TSEN15: variants seen among roughly 807,000 people sequenced by gnomAD.
The protein encoded by TSEN15 is tRNA splicing endonuclease subunit 15.
TSEN15 carries 10 observed loss-of-function variants against 20.5 expected under a neutral mutation model. The ratio of observed to expected loss-of-function variants is 0.49; its 90% confidence interval spans 0.30 to 0.83. The LOEUF (loss-of-function observed/expected upper bound fraction) is 0.83, where lower values mean the gene tolerates loss of function less well. Among genes scored for constraint, TSEN15 ranks in the 40% least tolerant of loss-of-function variants. TSEN15 has a pLI of 0.06. For missense variants in TSEN15, 180 were observed against 218.6 expected, an observed-to-expected ratio of 0.82 and a Z score of 1.11; for synonymous variants, 72 against 80.1, an observed-to-expected ratio of 0.90 and a Z score of 0.54.
chr1:184,052,205 G>C (rs991992007), intron 1 of TSEN15, among the ~76,000 whole-genome samples: 1 of 152,186 alleles, frequency 6.6e-6, no homozygotes. Context: ...CCCTTTGGGG[G>C]ATAAATTTAT....
chr1:184,068,220 CTTAG>C (rs1650760221), intron 3 of TSEN15, among the ~76,000 whole-genome samples: 1 of 151,762 alleles, frequency 6.6e-6, no homozygotes, highest in Admixed American at 6.6e-5. Flanking sequence ...TGAAGATATT[CTTAG>C]TTATGAGATT....
At chr1:184,092,159 C>T (rs1030613373) in intron 3 of TSEN15, among the ~76,000 whole-genome samples, 3 of 152,186 alleles carry the variant, frequency 2.0e-5, no homozygotes, top group Admixed American at 1.3e-4. Flanking sequence ...TATAACCAGA[C>T]AGATGTGCTC....
intron 3 of TSEN15, among the ~76,000 whole-genome samples, chr1:184,090,913 A>G (rs1651345141): frequency 1.3e-5 from 2 of 152,160 alleles, no homozygotes; most frequent in Admixed American, 1.3e-4. Context: ...TTTCTGTAGT[A>G]TACAGCTCCC....
downstream of TSEN15, among the ~76,000 whole-genome samples, chr1:184,079,211 A>G (rs1447135423): frequency 6.6e-6 from 1 of 152,188 alleles, no homozygotes; most frequent in African/African-American, 2.4e-5. Context: ...TGGGTGTGCT[A>G]TTATAATGTT....
At chr1:184,090,498 A>C (rs915906317) in intron 3 of TSEN15, among the ~76,000 whole-genome samples, 7 of 152,238 alleles carry the variant, frequency 4.6e-5, no homozygotes, top group Non-Finnish European at 1.0e-4. Context: ...TGATATAAAC[A>C]AAAAGGTCAC....
At chr1:184,082,422 T>C (rs1005247727) in intron 3 of TSEN15, among the ~76,000 whole-genome samples, 1 of 152,156 alleles carries the variant, frequency 6.6e-6, no homozygotes, top group African/African-American at 2.4e-5. Flanking sequence ...TTCTCTGCTG[T>C]CTTCATAGCA....
chr1:184,091,313 A>C (rs1651353960), intron 3 of TSEN15, among the ~76,000 whole-genome samples: 1 of 152,060 alleles, frequency 6.6e-6, no homozygotes, highest in Non-Finnish European at 1.5e-5. Context: ...TGAGCCCCAG[A>C]ATATATATTT....
At chr1:184,090,588 C>T (rs75358343) in intron 3 of TSEN15, among the ~76,000 whole-genome samples, 1,680 of 152,320 alleles carry the variant, frequency 0.011, 28 homozygotes, top group African/African-American at 0.039. Context: ...CTTTTCTTCT[C>T]CTTTCTTCCT....
In TSEN15 at chr1:184,051,860, T is replaced by C. The variant is rs926488251; in HGVS notation, c.105T>C (p.Pro35=). The C allele has an allele frequency of 6.4e-7, 1 of 1,553,348 alleles. No individual in the cohort carries two copies. The highest frequency in any genetic ancestry group is 1.9e-5 in the Admixed American group (1 of 52,632). ...GDGGGAPSWA[P]EDAWMGTHPK... ...GCGGTGGAGCTCCTTCGTGGGCCCC[T>C]GAGGACGCCTGGATGGGCACTCACC... Residue 35 remains proline, a synonymous_variant, in exon 1 of 5, where the codon CCT becomes CCC. Coordinates refer to ENST00000645668, the MANE Select transcript of TSEN15 (RefSeq NM_052965.4).
chr1:184,090,009 C>T (rs1253119491), intron 3 of TSEN15, among the ~76,000 whole-genome samples: 1 of 152,162 alleles, frequency 6.6e-6, no homozygotes, highest in Admixed American at 6.5e-5. Context: ...AATGTCCACA[C>T]AAAGACCTGT....
downstream of TSEN15, among the ~76,000 whole-genome samples, chr1:184,076,135 A>T (rs1399474218): frequency 6.6e-6 from 1 of 151,722 alleles, no homozygotes; most frequent in African/African-American, 2.4e-5. Context: ...TGTTTTGGGG[A>T]TATTGTGTTT....
At chr1:184,093,466 A>G (rs1490264333) in intron 3 of TSEN15, among the ~76,000 whole-genome samples, 1 of 152,180 alleles carries the variant, frequency 6.6e-6, no homozygotes, top group Non-Finnish European at 1.5e-5. Context: ...CAATACTAAT[A>G]AAATCTATCT....
downstream of TSEN15, among the ~76,000 whole-genome samples, chr1:184,075,710 T>C (rs187601225): frequency 6.6e-6 from 1 of 152,212 alleles, no homozygotes; most frequent in East Asian, 1.9e-4. Flanking sequence ...TTTCAATCTG[T>C]AGGAAATAGC....
In TSEN15 at chr1:184,072,243, AT is replaced by A. The variant is rs778507833; in HGVS notation, c.442del (p.Ser148LeufsTer3). On this transcript the variant is annotated frameshift_variant, in exon 4 of 5. Coordinates refer to ENST00000645668, the MANE Select transcript of TSEN15 (RefSeq NM_052965.4). LOFTEE classifies it high-confidence loss of function. Reference sequence around the variant, plus strand: ...TTTACTTTGGCCATAGTGGAGTCTGATTCTACAATAGTCTATTATAAACTTA... The same window carrying A: ...TTTACTTTGGCCATAGTGGAGTCTGATCTACAATAGTCTATTATAAACTTA... Reference protein sequence around the residue: ...MSFTLAIVESDSTIVYYKLTD... With the variant: ...MSFTLAIVESXSTIVYYKLTD... The A allele has an allele frequency of 6.2e-7, 1 of 1,613,574 alleles. No individual in the cohort carries two copies. Among genetic ancestry groups the A allele is most frequent in the Non-Finnish European group, 8.5e-7 (1 of 1,179,710 alleles).
chr1:184,091,862 G>A (rs528914674), intron 3 of TSEN15, among the ~76,000 whole-genome samples: 14 of 152,170 alleles, frequency 9.2e-5, no homozygotes, highest in Non-Finnish European at 1.3e-4. Context: ...TCTGGGTTTT[G>A]TTTATTATAG....
intron 3 of TSEN15, among the ~76,000 whole-genome samples, chr1:184,068,837 C>CTA (rs911820288): frequency 6.6e-6 from 1 of 152,098 alleles, no homozygotes; most frequent in African/African-American, 2.4e-5. Flanking sequence ...ACTAATAAGG[C>CTA]TATAGCATAT....
chr1:184,083,072 A>C (rs1005820291), intron 3 of TSEN15, among the ~76,000 whole-genome samples: 4 of 152,194 alleles, frequency 2.6e-5, no homozygotes, highest in African/African-American at 9.6e-5. Context: ...ATCAGCTTAC[A>C]TCCCACCTAA....
In TSEN15 at chr1:184,064,782, G is replaced by A. The variant is rs1650586601; in HGVS notation, c.354-7375G>A. On this transcript the variant is annotated intron_variant, in intron 3 of 4. Coordinates refer to ENST00000645668, the MANE Select transcript of TSEN15 (RefSeq NM_052965.4). ...GATACCAATTACAATGTGCAAATCT[G>A]TAAGGATATAGATGTTTAGCTATTA... Among the ~76,000 whole-genome samples the A allele has an allele frequency of 4.6e-5, 7 of 152,314 alleles. No homozygotes were observed. In the South Asian group the frequency reaches 1.4e-3, roughly 32 times the overall value.
downstream of TSEN15, among the ~76,000 whole-genome samples, chr1:184,077,158 T>C (rs568290334): frequency 2.6e-5 from 4 of 152,234 alleles, no homozygotes; most frequent in East Asian, 7.7e-4. Context: ...GGGCTAATTC[T>C]CTTGTCTGGG....
Sources: allele counts gnomAD v4.1 joint callset (sites outside exome capture counted in the v4.1 genomes callset), GRCh38; gene constraint gnomAD v4.1.1; transcripts MANE v1.5; gene names NCBI Gene and HGNC (gene_info 2026-07-23, HGNC 2026-07-21).